Variants in SPG11 observed in about 807,000 individuals in gnomAD.
The protein encoded by SPG11 is SPG11 vesicle trafficking associated, spatacsin.
SPG11 carries 222 observed loss-of-function variants against 274.0 expected under a neutral mutation model. The observed-to-expected ratio is 0.81, with a 90% CI of 0.73 to 0.91. SPG11 has a LOEUF of 0.91. Among genes scored for constraint, SPG11 ranks in the 40% least tolerant of loss-of-function variants. The pLI is 0.00. For synonymous variants in SPG11, 1,144 were observed against 1,039.7 expected (o/e 1.10, Z -1.93); for missense variants, 3,114 against 2,872.7 (o/e 1.08, Z -1.92).
intron 3 of SPG11, among the ~76,000 whole-genome samples, chr15:44,658,666 G>A (rs575746868): frequency 6.6e-6 from 1 of 152,048 alleles, no homozygotes; most frequent in Non-Finnish European, 1.5e-5. Flanking sequence ...TCACCATATT[G>A]GCCAGGCTGG....
At position 44,635,613 on chromosome 15, in the gene SPG11, A is replaced by G. The variant is rs1198389282; in HGVS notation, c.1603-1976T>C. Among the ~76,000 whole-genome samples, 5 of 150,500 alleles carry G rather than the reference A, an allele frequency of 3.3e-5. 1 individual carries two copies. Among genetic ancestry groups the G allele is most frequent in the African/African-American group, 9.8e-5 (4 of 41,012 alleles). ...CCTGTCTCAAAAAAAAAAAAAAAAAAAAAAAAAGAAAAAAGGAAAAAAGCC... is the reference window on the plus strand; with the variant it reads ...CCTGTCTCAAAAAAAAAAAAAAAAAGAAAAAAAGAAAAAAGGAAAAAAGCC... On this transcript the variant is annotated intron_variant, in intron 7 of 39. Coordinates refer to ENST00000261866, the MANE Select transcript of SPG11 (RefSeq NM_025137.4).
Position 44,644,342 on chromosome 15 carries a change from G to C in SPG11, c.1602+4524C>G, listed in dbSNP as rs151298407. On this transcript the variant is annotated intron_variant, in intron 7 of 39. Transcript: ENST00000261866. ...AACAGAAGTAAAAACAAAAACCATT[G>C]CTTGCTCCTCAAGTAGTACTCCCTT... is the stretch of plus-strand genomic sequence containing the variant. 7.5e-3 allele frequency among the ~76,000 whole-genome samples: 1,146 copies of C among 152,020 alleles called. 16 individuals carry two copies. The highest frequency in any genetic ancestry group is 0.026 in the African/African-American group (1,060 of 41,476).
intron 20 of SPG11, chr15:44,604,049 T>TA: frequency 2.7e-6 from 1 of 367,930 alleles, no homozygotes; most frequent in Non-Finnish European, 5.4e-6. Context: ...ACCTATTTTT[T>TA]AAAAAAGACA....
At chr15:44,620,158 C>T in intron 15 of SPG11, 32 bp downstream of exon 15, 1 of 1,520,774 alleles carries the variant, frequency 6.6e-7, no homozygotes, top group Non-Finnish European at 9.1e-7. Flanking sequence ...TTGTATTCTT[C>T]CCATTGGGTA....
intron 22 of SPG11, 86 bp downstream of exon 22, chr15:44,598,545 T>C: frequency 7.1e-7 from 1 of 1,409,844 alleles, no homozygotes; most frequent in Admixed American, 1.7e-5. Context: ...AAGATAACCA[T>C]TTTCTCCCCA....
At chr15:44,626,557 T>G in intron 10 of SPG11, 50 bp from the exon 11 acceptor site, 1 of 1,564,266 alleles carries the variant, frequency 6.4e-7, no homozygotes, top group Non-Finnish European at 8.8e-7. Context: ...ATTTCCTTAT[T>G]ATGATTATCA....
At chr15:44,582,977 C>G (rs1349708118) in intron 30 of SPG11, among the ~76,000 whole-genome samples, 3 of 152,134 alleles carry the variant, frequency 2.0e-5, no homozygotes, top group South Asian at 2.1e-4. Context: ...CAGATGTCCA[C>G]TCTCGCCACC....
In SPG11 at chr15:44,652,159, T is replaced by G. The variant is rs1232720662; in HGVS notation, c.977A>C (p.Lys326Thr). The stretch of plus-strand genomic sequence containing the variant: ...AATTTGGAAGGAAAACTTGGCCAGT[T>G]TCATGTTGTAGGCAGAGTTAACAGG... Reference protein sequence around the residue: ...DDPVNSAYNMKLAKFSFQIDR... With the variant: ...DDPVNSAYNMTLAKFSFQIDR... The change falls in exon 5 of 40, where the codon AAA becomes ACA. Residue 326 changes from lysine (K) to threonine (T), a missense_variant. By Grantham distance (78) the Lys-to-Thr change is moderately conservative. Transcript: ENST00000261866. 3 of 1,614,158 alleles carry G rather than the reference T, an allele frequency of 1.9e-6. No individual in the cohort carries two copies. In the South Asian group the frequency reaches 3.3e-5, roughly 18 times the overall value.
At chr15:44,652,370 G>C in intron 4 of SPG11, 104 bp from the exon 5 acceptor site, 1 of 1,244,826 alleles carries the variant, frequency 8.0e-7, no homozygotes, top group Non-Finnish European at 1.1e-6. Flanking sequence ...AGAAGGAATA[G>C]TACAACAAAT....
Position 44,566,006 on chromosome 15 carries a change from A to C in SPG11, c.6847T>G (p.Ser2283Ala). 6.2e-7 allele frequency: 1 copy of C among 1,613,638 alleles called. No homozygotes were observed. The highest frequency in any genetic ancestry group is 8.5e-7 in the Non-Finnish European group (1 of 1,180,012). The change falls in exon 38 of 40, where the codon TCC (serine) becomes GCC (alanine). Residue 2283 changes from serine (S) to alanine (A), a missense_variant. By Grantham distance (99) the Ser-to-Ala change is moderately conservative. Transcript: ENST00000261866. ...LDAAESYAKDSCVRQAQHCQR... is the reference protein window; with the variant it reads ...LDAAESYAKDACVRQAQHCQR... ...CAGTGCTGGGCCTGTCGCACACAGG[A>C]GTCCTGAGGAACAAGGGTGGAGAGG...
chr15:44,604,601 C>T (rs2083272742), intron 20 of SPG11, among the ~76,000 whole-genome samples: 1 of 152,062 alleles, frequency 6.6e-6, no homozygotes, highest in African/African-American at 2.4e-5. Context: ...AAAAAGAAGT[C>T]AACATTCAAA....
In SPG11 at chr15:44,596,902, T is replaced by C. The variant is rs1356778619; in HGVS notation, c.4043A>G (p.Gln1348Arg). 1 of 1,614,028 alleles carries C rather than the reference T, an allele frequency of 6.2e-7. No individual in the cohort carries two copies. Among genetic ancestry groups the C allele is most frequent in the South Asian group, 1.1e-5 (1 of 91,080 alleles). ...ESSSQWALVVQFCRLHNMKLS... is the reference protein window; with the variant it reads ...ESSSQWALVVRFCRLHNMKLS... ...TTTCATATTGTGTAGCCTGCAGAAC[T>C]GCACCACTAATGCCCATTGGCTGCT... Residue 1348 changes from glutamine (Q) to arginine (R), a missense_variant, in exon 24 of 40, where the codon CAG becomes CGG. By Grantham distance (43) the Gln-to-Arg change is conservative. Coordinates refer to ENST00000261866, the MANE Select transcript of SPG11 (RefSeq NM_025137.4).
chr15:44,585,225 T>C (rs540257340), intron 29 of SPG11, among the ~76,000 whole-genome samples: 1 of 152,142 alleles, frequency 6.6e-6, no homozygotes, highest in East Asian at 1.9e-4. Context: ...TCTTATCTCC[T>C]ATAAATTATA....
At chr15:44,605,609 C>T (rs186792020) in intron 20 of SPG11, among the ~76,000 whole-genome samples, 5 of 152,130 alleles carry the variant, frequency 3.3e-5, no homozygotes, top group Admixed American at 2.6e-4. Flanking sequence ...GTAATGTGTT[C>T]GGTGGTCACT....
In SPG11 at chr15:44,659,317, G is replaced by A. The variant is rs1566833998; in HGVS notation, c.443-14C>T. On this transcript the variant is annotated splice_polypyrimidine_tract_variant and intron_variant, in intron 2 of 39. Coordinates refer to ENST00000261866, the MANE Select transcript of SPG11 (RefSeq NM_025137.4). ...ATAAGGAAATACCTACAAAACAAAA[G>A]GATATTATTTCAAACTCATTGGTCA... 2.5e-6 allele frequency: 4 copies of A among 1,598,898 alleles called. No homozygotes were observed. Among genetic ancestry groups the A allele is most frequent in the African/African-American group, 1.3e-5 (1 of 74,600 alleles).
intron 11 of SPG11, among the ~76,000 whole-genome samples, 160 bp downstream of exon 11, chr15:44,626,170 AC>A (rs1329617365): frequency 1.3e-5 from 2 of 151,882 alleles, no homozygotes; most frequent in African/African-American, 4.8e-5. Context: ...GAGCCACCAC[AC>A]CCAGCCATTC....
intron 15 of SPG11, among the ~76,000 whole-genome samples, chr15:44,617,875 C>T (rs1292089235): frequency 6.6e-6 from 1 of 152,034 alleles, no homozygotes; most frequent in South Asian, 2.1e-4. Flanking sequence ...GATGTTTCAT[C>T]ATGTTGGCCA....
chr15:44,600,876 G>A (rs970223966), intron 20 of SPG11, among the ~76,000 whole-genome samples: 7 of 152,160 alleles, frequency 4.6e-5, no homozygotes, highest in South Asian at 2.1e-4. Context: ...TGCTTCAGCC[G>A]GGTACGGTGG....
At chr15:44,625,117 A>G (rs1469956597) in intron 11 of SPG11, among the ~76,000 whole-genome samples, 2 of 150,974 alleles carry the variant, frequency 1.3e-5, no homozygotes, top group Admixed American at 1.3e-4. Context: ...CTAGGCAACA[A>G]GAGTGAAACT....
Sources: gnomAD v4.1 joint callset for allele counts (sites outside exome capture counted in the v4.1 genomes callset) on GRCh38, gnomAD v4.1.1 for gene constraint, MANE v1.5 for transcripts, NCBI Gene and HGNC (gene_info 2026-07-23, HGNC 2026-07-21) for gene names.